Variants in CAPN2 observed in about 807,000 individuals in gnomAD.
CAPN2 encodes the protein calpain 2, also known as calpain-2 catalytic subunit.
CAPN2 carries 92 observed loss-of-function variants against 102.3 expected under a neutral mutation model. That is an observed-to-expected ratio of 0.90 (90% CI 0.76 to 1.07). The LOEUF is 1.07. CAPN2 is among the 50% of genes least tolerant of loss of function. The pLI, the probability that CAPN2 is intolerant of heterozygous loss-of-function variation, is 0.00. For synonymous variants in CAPN2, 340 were observed against 355.4 expected, an observed-to-expected ratio of 0.96 and a Z score of 0.49; for missense variants, 800 against 909.4, an observed-to-expected ratio of 0.88 and a Z score of 1.55.
In CAPN2 at chr1:223,766,957, G is replaced by A. The variant is rs576103543; in HGVS notation, c.1755+526G>A. 1.8e-4 allele frequency among the ~76,000 whole-genome samples: 27 copies of A among 147,584 alleles called. No homozygotes were observed. In the South Asian group the frequency reaches 5.1e-3, roughly 28 times the overall value. On this transcript the variant is annotated intron_variant, in intron 16 of 20. Transcript: ENST00000295006. ...CCTGGGTGACAGAGCGTGACTCATCGCCAAAAAAAAAAAAAGAAAAAGAAT... is the reference window on the plus strand; with the variant it reads ...CCTGGGTGACAGAGCGTGACTCATCACCAAAAAAAAAAAAAGAAAAAGAAT...
intron 1 of CAPN2, among the ~76,000 whole-genome samples, chr1:223,706,952 C>A (rs1464089747): frequency 6.6e-6 from 1 of 151,800 alleles, no homozygotes; most frequent in Non-Finnish European, 1.5e-5. Context: ...TGGCAGTGAG[C>A]CCCTGTAATC....
chr1:223,722,304 T>TTTTTC, intron 2 of CAPN2, among the ~76,000 whole-genome samples: 1 of 133,998 alleles, frequency 7.5e-6, no homozygotes. Flanking sequence ...TTTTTTTTTT[T>TTTTTC]TGAGACAGGG....
chr1:223,711,293 A>G (rs571520390), upstream of CAPN2, among the ~76,000 whole-genome samples: 3 of 152,156 alleles, frequency 2.0e-5, no homozygotes, highest in Non-Finnish European at 4.4e-5. Context: ...AAGAGGAGGT[A>G]ATTTCTGCCC....
chr1:223,752,885 A>G lies in CAPN2; in HGVS notation c.1064A>G (p.Lys355Arg), dbSNP rs777861078. The change falls in exon 9 of 21, where the codon AAG becomes AGG. Residue 355 changes from lysine to arginine, a missense_variant. Coordinates refer to ENST00000295006, the MANE Select transcript of CAPN2 (RefSeq NM_001748.5). ...ACTCTCACCAGCGATACCTACAAGA[A>G]GTGGAAACTCACCAAAATGGATGGG... Reference protein sequence around the residue: ...PDTLTSDTYKKWKLTKMDGNW... With the variant: ...PDTLTSDTYKRWKLTKMDGNW... The G allele has an allele frequency of 1.9e-6, 3 of 1,614,192 alleles. No individual in the cohort carries two copies. The highest frequency in any genetic ancestry group is 3.3e-5 in the Admixed American group (2 of 60,030).
upstream of CAPN2, among the ~76,000 whole-genome samples, chr1:223,711,077 A>G (rs975133478): frequency 6.6e-6 from 1 of 152,176 alleles, no homozygotes; most frequent in Non-Finnish European, 1.5e-5. Flanking sequence ...ACATTGGAAG[A>G]TGTTCAGCGG....
In CAPN2 at chr1:223,766,744, G is replaced by A. The variant is rs28370153; in HGVS notation, c.1755+313G>A. ...GGCCAAGGTGGGCCTCCTGACTCAC[G>A]AGGTCAGGAGTTCGAGACCAGCCTG... On this transcript the variant is annotated intron_variant, in intron 16 of 20. Coordinates refer to ENST00000295006, the MANE Select transcript of CAPN2 (RefSeq NM_001748.5). Among the ~76,000 whole-genome samples the A allele has an allele frequency of 1.3e-3, 200 of 152,084 alleles. 1 individual carries two copies. The highest frequency in any genetic ancestry group is 1.7e-3 in the Non-Finnish European group (115 of 68,018).
intron 2 of CAPN2, among the ~76,000 whole-genome samples, chr1:223,736,053 C>T (rs1660448340): frequency 6.6e-6 from 1 of 152,170 alleles, no homozygotes; most frequent in Non-Finnish European, 1.5e-5. Context: ...GCTGAGATTA[C>T]AGGGTGAGCC....
At chr1:223,721,627 C>T (rs1660053286) in intron 2 of CAPN2, among the ~76,000 whole-genome samples, 1 of 152,216 alleles carries the variant, frequency 6.6e-6, no homozygotes, top group South Asian at 2.1e-4. Context: ...GTCACATGGA[C>T]CCCCAGAGCA....
chr1:223,745,611 A>T (rs1222134), intron 4 of CAPN2, among the ~76,000 whole-genome samples, 172 bp downstream of exon 4: 112,788 of 152,110 alleles, frequency 0.74, 45,714 homozygotes, highest in South Asian at 0.92. Flanking sequence ...TCTCTACTAA[A>T]AATATAAAAA....
intron 2 of CAPN2, among the ~76,000 whole-genome samples, chr1:223,728,412 C>T (rs929976507): frequency 6.6e-6 from 1 of 152,138 alleles, no homozygotes; most frequent in African/African-American, 2.4e-5. Flanking sequence ...TACAGCAGCT[C>T]ATGTCCCAAG....
At chr1:223,720,653 A>G (rs1293072101) in intron 2 of CAPN2, among the ~76,000 whole-genome samples, 1 of 152,136 alleles carries the variant, frequency 6.6e-6, no homozygotes, top group African/African-American at 2.4e-5. Context: ...AGGAGTAATA[A>G]CAGTACCCAT....
chr1:223,718,661 T>G (rs1186415208), intron 2 of CAPN2, among the ~76,000 whole-genome samples: 1 of 152,214 alleles, frequency 6.6e-6, no homozygotes, highest in Non-Finnish European at 1.5e-5. Flanking sequence ...AAAATCTATT[T>G]TCTGCCATCA....
chr1:223,753,088 T>C, intron 9 of CAPN2, 132 bp downstream of exon 9: 2 of 773,448 alleles, frequency 2.6e-6, no homozygotes, highest in Non-Finnish European at 4.3e-6. Flanking sequence ...TGGAACCCTC[T>C]CTGTCTTCTT....
chr1:223,723,119 G>A (rs1660098979), intron 2 of CAPN2, among the ~76,000 whole-genome samples: 1 of 152,086 alleles, frequency 6.6e-6, no homozygotes, highest in South Asian at 2.1e-4. Context: ...ACCCGAGTTT[G>A]GGACCAGCTT....
At chr1:223,716,564 A>G (rs1659877942) in intron 1 of CAPN2, among the ~76,000 whole-genome samples, 2 of 152,076 alleles carry the variant, frequency 1.3e-5, no homozygotes, top group East Asian at 3.9e-4. Context: ...AATCTGAGCT[A>G]GAATGAACAG....
Position 223,775,693 on chromosome 1 carries a change from C to CACTT in CAPN2, c.*838_*841dup, listed in dbSNP as rs1661602111. 1 of 152,656 alleles carries CACTT rather than the reference C, an allele frequency of 6.6e-6. No homozygotes were observed. Among genetic ancestry groups the CACTT allele is most frequent in the Non-Finnish European group, 1.5e-5 (1 of 68,044 alleles). 9.5% of individuals were successfully genotyped at this position (152,656 alleles called of 1,614,324 possible). A position where few individuals can be genotyped will look rare whatever the true frequency, so the allele number is the denominator to read the frequency against. ...CTGTCCATGGAGTTAGAGGGGACAT[C>CACTT]ACTTAGAAGTTCTTATAGAAAGGAC... On this transcript the variant is annotated 3_prime_UTR_variant, in exon 21 of 21. Transcript: ENST00000295006.
At chr1:223,752,988 A>G (rs749073557) in intron 9 of CAPN2, 32 bp downstream of exon 9, 2 of 1,608,070 alleles carry the variant, frequency 1.2e-6, no homozygotes, top group South Asian at 2.2e-5. Context: ...GGCTGTTGCA[A>G]TGCGGGGCCA....
intron 15 of CAPN2, among the ~76,000 whole-genome samples, chr1:223,764,990 CAG>C (rs769171714): frequency 5.3e-4 from 80 of 152,328 alleles, no homozygotes; most frequent in Non-Finnish European, 4.9e-4. Context: ...AAACACAACA[CAG>C]AGACATTTTT....
rs74147531 is a variant in CAPN2, at chr1:223,731,633, G to C, written c.308-12467G>C. Among the ~76,000 whole-genome samples, 2,974 of 152,302 alleles carry C rather than the reference G, an allele frequency of 0.02. 104 individuals are homozygous for C. Among genetic ancestry groups the C allele is most frequent in the African/African-American group, 0.068 (2,841 of 41,536 alleles). ...TCTCCTCTAGACTGAGTACAGGCCT[G>C]GCACGGAGCCAGGAATGCACCAACA... On this transcript the variant is annotated intron_variant, in intron 2 of 20. Coordinates refer to ENST00000295006, the MANE Select transcript of CAPN2 (RefSeq NM_001748.5). The surrounding 1 kb of genome is among the most constrained non-coding windows in gnomAD (Gnocchi z 4.2).
Sources: allele counts gnomAD v4.1 joint callset (sites outside exome capture counted in the v4.1 genomes callset), GRCh38; gene constraint gnomAD v4.1.1; non-coding constraint Gnocchi (gnomAD v3.1); transcripts MANE v1.5; gene names NCBI Gene and HGNC (gene_info 2026-07-23, HGNC 2026-07-21).